The following DCLK1 variants were observed in gnomAD, a reference collection of about 807,000 sequenced individuals.
The protein encoded by DCLK1 is serine/threonine-protein kinase DCLK1.
A neutral mutation model predicts 86.2 loss-of-function variants in DCLK1; 16 were observed. The observed-to-expected ratio is 0.19, with a 90% CI of 0.13 to 0.28. The LOEUF (loss-of-function observed/expected upper bound fraction) is 0.28, where lower values mean the gene tolerates loss of function less well. Ranked by LOEUF, DCLK1 falls within the 10% of genes least tolerant of loss-of-function variation. The pLI is 1.00. For synonymous variants in DCLK1, 369 were observed against 370.5 expected (o/e 1.00, Z 0.05); for missense variants, 590 against 940.2 (o/e 0.63, Z 4.87).
intron 1 of DCLK1, among the ~76,000 whole-genome samples, chr13:36,128,419 T>A (rs1408646771): frequency 6.6e-6 from 1 of 152,186 alleles, no homozygotes. Flanking sequence ...CCCTTGCTCC[T>A]TTGAAACTGG....
intron 15 of DCLK1, among the ~76,000 whole-genome samples, chr13:35,797,517 T>C (rs960822279): frequency 6.6e-6 from 1 of 152,198 alleles, no homozygotes; most frequent in Non-Finnish European, 1.5e-5. Context: ...TGAGCTTCCC[T>C]TGGGTTATTA....
At chr13:35,856,747 T>C (rs1368131793) in intron 5 of DCLK1, among the ~76,000 whole-genome samples, 3 of 152,240 alleles carry the variant, frequency 2.0e-5, no homozygotes, top group Non-Finnish European at 4.4e-5. Context: ...GGCATTTTTA[T>C]GCACCAGTCA....
At chr13:36,047,877 C>A (rs1882977126) in intron 3 of DCLK1, among the ~76,000 whole-genome samples, 2 of 152,014 alleles carry the variant, frequency 1.3e-5, no homozygotes, top group South Asian at 4.1e-4. Flanking sequence ...GATCACTTGA[C>A]CCCAGGAGTT....
chr13:36,037,858 A>G (rs1216116094), intron 3 of DCLK1, among the ~76,000 whole-genome samples: 2 of 152,198 alleles, frequency 1.3e-5, no homozygotes, highest in Non-Finnish European at 1.5e-5. Flanking sequence ...TCAATTAAAA[A>G]AAGAAAATTT....
chr13:35,808,287 C>G lies in DCLK1; in HGVS notation c.1800G>C (p.Gln600His). The G allele has an allele frequency of 6.2e-7, 1 of 1,614,074 alleles. No homozygotes were observed. Among genetic ancestry groups the G allele is most frequent in the Non-Finnish European group, 8.5e-7 (1 of 1,179,966 alleles). The change falls in exon 14 of 17, where the codon CAG becomes CAC. Residue 600 changes from glutamine (Q) to histidine (H), a missense_variant. By Grantham distance (24) the Gln-to-His change is conservative (BLOSUM62 0). This residue lies in a region of DCLK1 where 146 missense variants were observed against 190.2 expected (regional missense o/e 0.77). Coordinates refer to ENST00000360631, the MANE Select transcript of DCLK1 (RefSeq NM_001330071.2). ...SGDDQEVLFD[Q>H]ILMGQVDFPS... The stretch of plus-strand genomic sequence containing the variant: ...GAAAGTCCACCTGCCCCATCAAAAT[C>G]TGATCAAAAAGCACCTCCTGGTCAT...
intron 3 of DCLK1, among the ~76,000 whole-genome samples, chr13:36,102,817 C>T (rs776553023): frequency 6.6e-6 from 1 of 152,192 alleles, no homozygotes; most frequent in South Asian, 2.1e-4. Context: ...ATGCTGTTTG[C>T]TTCTCGATCG....
chr13:35,847,135 T>C, intron 6 of DCLK1: 3 of 956,860 alleles, frequency 3.1e-6, no homozygotes, highest in Non-Finnish European at 3.7e-6. Flanking sequence ...AACAAAGATA[T>C]ATCAATATAA....
intron 15 of DCLK1, among the ~76,000 whole-genome samples, chr13:35,795,943 A>AAC (rs1417509212): frequency 2.6e-5 from 4 of 151,468 alleles, no homozygotes; most frequent in African/African-American, 7.3e-5. Flanking sequence ...AAAAAAAAAA[A>AAC]ACCAACAACA....
At chr13:35,829,109 C>A (rs1390929607) in intron 8 of DCLK1, among the ~76,000 whole-genome samples, 1 of 152,180 alleles carries the variant, frequency 6.6e-6, no homozygotes, top group East Asian at 1.9e-4. Flanking sequence ...AGCCACATGG[C>A]AGCTTTAAAA....
At chr13:36,085,234 T>C (rs888272817) in intron 3 of DCLK1, among the ~76,000 whole-genome samples, 1 of 152,190 alleles carries the variant, frequency 6.6e-6, no homozygotes, top group Non-Finnish European at 1.5e-5. Flanking sequence ...ATGTTTATAT[T>C]TAAAATACAT....
chr13:35,926,166 C>G (rs1402102547), intron 4 of DCLK1, among the ~76,000 whole-genome samples: 1 of 151,768 alleles, frequency 6.6e-6, no homozygotes, highest in Non-Finnish European at 1.5e-5. Context: ...TCAAGCGATT[C>G]TCCTGCCTCA....
intron 4 of DCLK1, among the ~76,000 whole-genome samples, chr13:35,898,856 C>T (rs1277424502): frequency 6.6e-6 from 1 of 152,146 alleles, no homozygotes; most frequent in African/African-American, 2.4e-5. Flanking sequence ...ATCCTCCTAC[C>T]TCAGCCTCCC....
At chr13:35,961,616 T>G (rs1878468194) in intron 3 of DCLK1, among the ~76,000 whole-genome samples, 1 of 152,206 alleles carries the variant, frequency 6.6e-6, no homozygotes, top group African/African-American at 2.4e-5. Flanking sequence ...AATAATATTC[T>G]TTTCAAGTAC....
intron 15 of DCLK1, among the ~76,000 whole-genome samples, chr13:35,800,842 C>G (rs141645518): frequency 5.3e-5 from 8 of 151,750 alleles, no homozygotes; most frequent in Non-Finnish European, 2.9e-5. Context: ...TCAGCCTCCC[C>G]AGTAGCTGGG....
chr13:35,796,531 GGGCGAGGAA>G (rs2086815338), intron 15 of DCLK1, among the ~76,000 whole-genome samples: 1 of 152,182 alleles, frequency 6.6e-6, no homozygotes, highest in South Asian at 2.1e-4. Context: ...GAGCACGGCA[GGGCGAGGAA>G]GGTGACACAA....
intron 4 of DCLK1, among the ~76,000 whole-genome samples, chr13:35,908,278 A>G (rs6563212): frequency 0.31 from 47,246 of 152,112 alleles, 8,079 homozygotes; most frequent in African/African-American, 0.43. Context: ...ATTAGGAAAC[A>G]AGTCTCAGCC....
intron 4 of DCLK1, among the ~76,000 whole-genome samples, chr13:35,886,486 A>G (rs531888108): frequency 6.6e-6 from 1 of 152,300 alleles, no homozygotes; most frequent in African/African-American, 2.4e-5. Flanking sequence ...AGGATGTTAG[A>G]AAAAGCTCCC....
At chr13:35,789,946 C>CT (rs1392069882) in intron 16 of DCLK1, among the ~76,000 whole-genome samples, 2 of 152,014 alleles carry the variant, frequency 1.3e-5, no homozygotes, top group Non-Finnish European at 2.9e-5. Flanking sequence ...TGGCGTCTCT[C>CT]TGAGAGGCAC....
At chr13:35,976,548 T>TTTTTTTTTTTTTTTTTTTTTAG in intron 3 of DCLK1, among the ~76,000 whole-genome samples, 1 of 82,794 alleles carries the variant, frequency 1.2e-5, no homozygotes, top group African/African-American at 4.8e-5. Context: ...TTTTTTTTTT[T>TTTTTTTTTTTTTTTTTTTTTAG]GAGACGGAGT....
Sources: allele counts gnomAD v4.1 joint callset (sites outside exome capture counted in the v4.1 genomes callset), GRCh38; gene constraint gnomAD v4.1.1; regional missense constraint gnomAD v4.1.1; transcripts MANE v1.5; gene names NCBI Gene and HGNC (gene_info 2026-07-23, HGNC 2026-07-21).